The following CCDC14 variants were observed in gnomAD, a reference collection of about 807,000 sequenced individuals.
CCDC14 encodes the protein coiled-coil domain-containing protein 14.
A neutral mutation model predicts 81.4 loss-of-function variants in CCDC14; 71 were observed. The ratio of observed to expected loss-of-function variants is 0.87; its 90% CI spans 0.72 to 1.06. CCDC14 has a LOEUF of 1.06. CCDC14 is among the 50% of genes least tolerant of loss of function. The pLI is 0.00. For synonymous variants in CCDC14, 332 were observed against 364.8 expected, an observed-to-expected ratio of 0.91 and a Z score of 1.03; for missense variants, 1,046 against 1,047.3, an observed-to-expected ratio of 1.00 and a Z score of 0.02.
At chr3:123,911,052 G>C (rs888252865), downstream of CCDC14, among the ~76,000 whole-genome samples, 1 of 152,172 alleles carries the variant, frequency 6.6e-6, no homozygotes, top group Non-Finnish European at 1.5e-5. Context: ...TTGGGCAAAA[G>C]GCCGTCCAGG....
In CCDC14 at chr3:123,914,972, CT is replaced by C; in HGVS notation, c.2524del (p.Ser842AlafsTer4). 6.2e-7 allele frequency: 1 copy of C among 1,614,012 alleles called. No individual in the cohort carries two copies. The highest frequency in any genetic ancestry group is 8.5e-7 in the Non-Finnish European group (1 of 1,179,856). On this transcript the variant is annotated frameshift_variant, in exon 13 of 13. Transcript: ENST00000409697. LOFTEE classifies it high-confidence loss of function. The stretch of plus-strand genomic sequence containing the variant: ...GACAGTATTGCCTTTCACTTGAAGG[CT>C]GTTGCTAAGACAACCTGATGGGCCA... ...CHGPSGCLSN[S>X]LQVKGNTVCD...
chr3:123,899,347 A>C (rs542534601), intron 5 of CCDC14, among the ~76,000 whole-genome samples: 11 of 152,316 alleles, frequency 7.2e-5, no homozygotes, highest in Admixed American at 2.0e-4. Context: ...TCATGCCCTC[A>C]CATGGTTTCA....
chr3:123,947,757 G>GA (rs1369003306), intron 7 of CCDC14, among the ~76,000 whole-genome samples: 2 of 151,686 alleles, frequency 1.3e-5, no homozygotes, highest in East Asian at 3.9e-4. Context: ...TTGCACTGAG[G>GA]AAAAAAATCC....
In CCDC14 at chr3:123,914,911, A is replaced by T; in HGVS notation, c.2586T>A (p.Ser862=). Residue 862 remains serine (S), a synonymous_variant, in exon 13 of 13, where the codon TCT becomes TCA. Coordinates refer to ENST00000409697, the MANE Select transcript of CCDC14 (RefSeq NM_001366335.1). The part of the protein sequence containing the change: ...DGSVFTSDLM[S]DWSISSFSTF... ...TTGAAAACGAAGAGATGCTCCAGTCAGACATCAAGTCAGAAGTGAAAACAC... is the reference window on the plus strand; with the variant it reads ...TTGAAAACGAAGAGATGCTCCAGTCTGACATCAAGTCAGAAGTGAAAACAC... 2 of 1,614,044 alleles carry T rather than the reference A, an allele frequency of 1.2e-6. No homozygotes were observed. The highest frequency in any genetic ancestry group is 1.7e-6 in the Non-Finnish European group (2 of 1,179,886).
chr3:123,948,792 G>C lies in CCDC14; in HGVS notation c.590-7C>G, dbSNP rs533805520. On this transcript the variant is annotated splice_polypyrimidine_tract_variant and splice_region_variant and intron_variant, in intron 6 of 12. Transcript: ENST00000409697. The stretch of plus-strand genomic sequence containing the variant: ...TGAGGAGTTGCCTGAGATTCTGTAA[G>C]TAAGAGGGAGAAAAAATTAATCACA... 7 of 1,591,600 alleles carry C rather than the reference G, an allele frequency of 4.4e-6. No homozygotes were observed. Among genetic ancestry groups the C allele is most frequent in the Non-Finnish European group, 6.0e-6 (7 of 1,171,638 alleles).
rs1170652646 is a variant in CCDC14 at position 123,947,412 on chromosome 3, A to G, written c.685-93T>C. On this transcript the variant is annotated intron_variant, in intron 7 of 12. Coordinates refer to ENST00000409697, the MANE Select transcript of CCDC14 (RefSeq NM_001366335.1). ...CTCAAATATATGAAATATATTTATTAAAACATGTTTATTAATATATTCATT... is the reference window on the plus strand; with the variant it reads ...CTCAAATATATGAAATATATTTATTGAAACATGTTTATTAATATATTCATT... The G allele has an allele frequency of 1.2e-4, 95 of 823,714 alleles. No homozygotes were observed. In the East Asian group the frequency reaches 2.5e-3, roughly 22 times the overall value. 51.0% of individuals were successfully genotyped at this position (823,714 alleles called of 1,614,324 possible).
chr3:123,912,481 A>C (rs184156273), downstream of CCDC14, among the ~76,000 whole-genome samples: 23 of 152,248 alleles, frequency 1.5e-4, no homozygotes, highest in South Asian at 6.2e-4. Context: ...TTAAACTGAA[A>C]ACCTTGGAGT....
chr3:123,941,747 CA>C (rs1450587822), intron 9 of CCDC14, among the ~76,000 whole-genome samples: 2 of 151,978 alleles, frequency 1.3e-5, no homozygotes, highest in African/African-American at 4.8e-5. Context: ...AGAATTAGGT[CA>C]GACATCAAAC....
downstream of CCDC14, among the ~76,000 whole-genome samples, chr3:123,893,036 C>T (rs1024179900): frequency 2.6e-5 from 4 of 152,126 alleles, no homozygotes; most frequent in African/African-American, 9.7e-5. Flanking sequence ...AATCACCTGA[C>T]CTTGTGATCC....
At chr3:123,919,021 T>G (rs1471301962) in intron 12 of CCDC14, among the ~76,000 whole-genome samples, 1 of 152,006 alleles carries the variant, frequency 6.6e-6, no homozygotes, top group Non-Finnish European at 1.5e-5. Flanking sequence ...GGCACCTAAG[T>G]GTTGAAGAGA....
At chr3:123,896,548 A>G (rs974208186), downstream of CCDC14, among the ~76,000 whole-genome samples, 3 of 152,208 alleles carry the variant, frequency 2.0e-5, no homozygotes, top group African/African-American at 4.8e-5. Flanking sequence ...CCAGGCACAG[A>G]AAAACAAATA....
At chr3:123,922,517 A>G (rs916070825) in intron 12 of CCDC14, among the ~76,000 whole-genome samples, 3 of 152,282 alleles carry the variant, frequency 2.0e-5, no homozygotes, top group East Asian at 1.9e-4. Flanking sequence ...AATCAGAAAT[A>G]AAAGGAGATA....
chr3:123,925,889 CATAA>C (rs1173033075), intron 12 of CCDC14, among the ~76,000 whole-genome samples: 1 of 152,074 alleles, frequency 6.6e-6, no homozygotes, highest in African/African-American at 2.4e-5. Flanking sequence ...CACTGTACCC[CATAA>C]ATATAGTTAA....
intron 5 of CCDC14, among the ~76,000 whole-genome samples, chr3:123,906,465 A>G (rs1157056207): frequency 1.3e-5 from 2 of 151,886 alleles, no homozygotes; most frequent in African/African-American, 4.8e-5. Flanking sequence ...TTCAAATGGA[A>G]GTGTAATAGA....
downstream of CCDC14, among the ~76,000 whole-genome samples, chr3:123,896,744 T>A (rs2034071249): frequency 6.6e-6 from 1 of 152,224 alleles, no homozygotes; most frequent in Non-Finnish European, 1.5e-5. Flanking sequence ...AAAATATGAT[T>A]TGTAGATTTG....
At chr3:123,937,095 C>T (rs2036097451) in intron 9 of CCDC14, among the ~76,000 whole-genome samples, 1 of 152,028 alleles carries the variant, frequency 6.6e-6, no homozygotes, top group Non-Finnish European at 1.5e-5. Flanking sequence ...GGATATAGCA[C>T]TATTTGTTTA....
At chr3:123,886,520 C>A in the CCDC14 span, among the ~76,000 whole-genome samples, 2 of 152,070 alleles carry the variant, frequency 1.3e-5, no homozygotes, top group African/African-American at 4.8e-5. Context: ...GCCTCAGCCT[C>A]CTGAATAGGT....
At chr3:123,942,874 C>T (rs2036423650) in intron 9 of CCDC14, among the ~76,000 whole-genome samples, 3 of 151,870 alleles carry the variant, frequency 2.0e-5, no homozygotes, top group Admixed American at 1.3e-4. Flanking sequence ...TACATCTTTC[C>T]TAAACAAATT....
chr3:123,923,882 C>G (rs757593461), intron 12 of CCDC14, among the ~76,000 whole-genome samples: 1 of 150,252 alleles, frequency 6.7e-6, no homozygotes, highest in South Asian at 2.1e-4. Flanking sequence ...AAATGACCTA[C>G]AAATTCAACA....
Sources: allele counts gnomAD v4.1 joint callset (sites outside exome capture counted in the v4.1 genomes callset), GRCh38; gene constraint gnomAD v4.1.1; transcripts MANE v1.5; gene names NCBI Gene and HGNC (gene_info 2026-07-23, HGNC 2026-07-21).